The following UBE3A variants were observed in gnomAD, a reference collection of about 807,000 sequenced individuals.
The protein encoded by UBE3A is ubiquitin protein ligase E3A, also known as ubiquitin-protein ligase E3A.
In UBE3A, 6 loss-of-function variants were observed where a neutral mutation model predicts 83.4. The observed-to-expected ratio is 0.07, with a 90% CI of 0.04 to 0.14. UBE3A has a LOEUF of 0.14. Ranked by LOEUF, UBE3A falls within the 10% of genes least tolerant of loss-of-function variation. The probability of loss-of-function intolerance (pLI) is 1.00; values close to 1 mark genes in which losing one functional copy is unlikely to be tolerated. For missense variants in UBE3A, 456 were observed against 1,036.1 expected, an observed-to-expected ratio of 0.44 and a Z score of 7.69; for synonymous variants, 337 against 355.4, an observed-to-expected ratio of 0.95 and a Z score of 0.58.
Position 25,380,364 on chromosome 15 carries a change from C to A in UBE3A, c.63-4601G>T, listed in dbSNP as rs570879498. Among the ~76,000 whole-genome samples, 432 of 152,186 alleles carry A rather than the reference C, an allele frequency of 2.8e-3. 1 individual carries two copies. Among genetic ancestry groups the A allele is most frequent in the African/African-American group, 0.01 (422 of 41,520 alleles). On this transcript the variant is annotated intron_variant, in intron 4 of 12. Coordinates refer to ENST00000648336, the MANE Select transcript of UBE3A (RefSeq NM_130839.5). ...GGCAGAGTTGAGTACTTTAGGCCTG[C>A]AAAACCTAAAACAAATACCACCTGC...
intron 11 of UBE3A, among the ~76,000 whole-genome samples, chr15:25,353,043 CTTTT>C (rs1354822499): frequency 6.6e-6 from 1 of 152,132 alleles, no homozygotes; most frequent in East Asian, 1.9e-4. Flanking sequence ...CAAGATATGA[CTTTT>C]TTTCCTACTA....
intron 2 of UBE3A, 145 bp from the exon 3 acceptor site, chr15:25,409,352 C>T: frequency 2.5e-6 from 1 of 398,702 alleles, no homozygotes. Flanking sequence ...TTTTTAAGGA[C>T]TATTTTCCAG....
intron 11 of UBE3A, among the ~76,000 whole-genome samples, chr15:25,352,147 A>G (rs533899579): frequency 6.6e-6 from 1 of 152,322 alleles, no homozygotes; most frequent in South Asian, 2.1e-4. Flanking sequence ...GTGAACTGAG[A>G]CTGCGCCACT....
intron 11 of UBE3A, among the ~76,000 whole-genome samples, chr15:25,353,270 A>G (rs2076770022): frequency 6.6e-6 from 1 of 152,194 alleles, no homozygotes; most frequent in African/African-American, 2.4e-5. Context: ...AAGAAGAAAT[A>G]CTGGTGAATT....
At chr15:25,393,291 G>A (rs2084833546) in intron 4 of UBE3A, among the ~76,000 whole-genome samples, 1 of 152,132 alleles carries the variant, frequency 6.6e-6, no homozygotes, top group African/African-American at 2.4e-5. Flanking sequence ...TCTGGTATGG[G>A]CAACAAGATA....
At chr15:25,339,970 G>T in intron 12 of UBE3A, 115 bp downstream of exon 12, 1 of 1,359,800 alleles carries the variant, frequency 7.4e-7, no homozygotes, top group Non-Finnish European at 1.0e-6. Context: ...ATGATTTGGG[G>T]ATTTGTATAT....
intron 1 of UBE3A, among the ~76,000 whole-genome samples, chr15:25,435,019 C>A (rs980468693): frequency 5.2e-5 from 6 of 115,106 alleles, no homozygotes; most frequent in African/African-American, 9.7e-5. Context: ...CACACACACA[C>A]AAATACTAAT....
In UBE3A at chr15:25,438,964, C is replaced by T. The variant is rs1429352530; in HGVS notation, c.-640G>A. On this transcript the variant is annotated 5_prime_UTR_variant, in exon 1 of 13. Transcript: ENST00000648336. ...GTCGTCTCCTGTAGTCACCCCGAGC[C>T]CAGCGCCACCATCTTGGGAGACACA... 1 of 152,156 alleles carries T rather than the reference C, an allele frequency of 6.6e-6. No individual in the cohort carries two copies. Among genetic ancestry groups the T allele is most frequent in the Non-Finnish European group, 1.5e-5 (1 of 68,052 alleles). 9.4% of individuals were successfully genotyped at this position (152,156 alleles called of 1,614,324 possible). A position where few individuals can be genotyped will look rare whatever the true frequency, so the allele number is the denominator to read the frequency against.
At chr15:25,435,713 T>C (rs1173067379) in intron 1 of UBE3A, among the ~76,000 whole-genome samples, 1 of 152,216 alleles carries the variant, frequency 6.6e-6, no homozygotes, top group Non-Finnish European at 1.5e-5. Context: ...AATAAACTTC[T>C]GTTGTTTATA....
chr15:25,367,244 T>C (rs1489150175), intron 6 of UBE3A, among the ~76,000 whole-genome samples: 1 of 78,132 alleles, frequency 1.3e-5, no homozygotes, highest in Non-Finnish European at 2.5e-5. Context: ...AATATGTAAA[T>C]ATTTGCATAT....
intron 1 of UBE3A, chr15:25,413,062 G>A (rs1483565476): frequency 2.2e-6 from 1 of 445,008 alleles, no homozygotes; most frequent in South Asian, 1.6e-5. Context: ...TTATGAGTTA[G>A]GAACACATAA....
chr15:25,408,641 T>C lies in UBE3A; in HGVS notation c.20+447A>G, dbSNP rs751766501. 1.3e-5 allele frequency: 21 copies of C among 1,613,740 alleles called. No individual in the cohort carries two copies. The highest frequency in any genetic ancestry group is 1.8e-5 in the Non-Finnish European group (21 of 1,179,824). On this transcript the variant is annotated intron_variant, in intron 3 of 12. Transcript: ENST00000648336. The stretch of plus-strand genomic sequence containing the variant: ...TCACTTCCAATAACACTGGTGCAGC[T>C]TCTCCATCCTGCAAGCCACTCCTTT...
At chr15:25,362,283 T>G (rs2078238576) in intron 6 of UBE3A, among the ~76,000 whole-genome samples, 1 of 152,234 alleles carries the variant, frequency 6.6e-6, no homozygotes, top group Non-Finnish European at 1.5e-5. Context: ...TGTCTGTTGT[T>G]GTTCAACACC....
chr15:25,373,710 G>A (rs1012872099), intron 5 of UBE3A: 2 of 152,004 alleles, frequency 1.3e-5, no homozygotes, highest in Non-Finnish European at 2.9e-5. Context: ...ATCTCTTGAC[G>A]TCGTGATTCG....
At chr15:25,340,346 G>T in intron 11 of UBE3A, 118 bp from the exon 12 acceptor site, 1 of 1,214,108 alleles carries the variant, frequency 8.2e-7, no homozygotes, top group Non-Finnish European at 1.2e-6. Flanking sequence ...TTAATTATCA[G>T]GATAGTATCA....
intron 4 of UBE3A, 98 bp downstream of exon 4, chr15:25,405,363 C>A: frequency 7.1e-7 from 1 of 1,408,958 alleles, no homozygotes; most frequent in East Asian, 2.3e-5. Context: ...TGATTCCTTT[C>A]TTTTAACCAG....
chr15:25,364,019 T>C (rs559371693), intron 6 of UBE3A, among the ~76,000 whole-genome samples: 1 of 125,172 alleles, frequency 8.0e-6, no homozygotes, highest in African/African-American at 3.0e-5. Flanking sequence ...TGATGAAACC[T>C]TGTTTCTACA....
Position 25,340,231 on chromosome 15 carries a change from A to G in UBE3A, c.2355-3T>C, listed in dbSNP as rs2074512326. On this transcript the variant is annotated splice_polypyrimidine_tract_variant and splice_region_variant and intron_variant, in intron 11 of 12. Coordinates refer to ENST00000648336, the MANE Select transcript of UBE3A (RefSeq NM_130839.5). Reference sequence around the variant, plus strand: ...AATGAACGATTTCCCAGAACTCCCTAATGAGAAAAAATACAATACTGGTTT... The same window carrying G: ...AATGAACGATTTCCCAGAACTCCCTGATGAGAAAAAATACAATACTGGTTT... 1 of 1,612,234 alleles carries G rather than the reference A, an allele frequency of 6.2e-7. No homozygotes were observed. Among genetic ancestry groups the G allele is most frequent in the Middle Eastern group, 1.6e-4 (1 of 6,062 alleles).
At chr15:25,431,082 ACACTT>A (rs1338318678) in intron 1 of UBE3A, among the ~76,000 whole-genome samples, 1 of 152,206 alleles carries the variant, frequency 6.6e-6, no homozygotes, top group Non-Finnish European at 1.5e-5. Flanking sequence ...CTAATACACT[ACACTT>A]AAGTGTTCTT....
Sources: gnomAD v4.1 joint callset for allele counts (sites outside exome capture counted in the v4.1 genomes callset) on GRCh38, gnomAD v4.1.1 for gene constraint, MANE v1.5 for transcripts, NCBI Gene and HGNC (gene_info 2026-07-23, HGNC 2026-07-21) for gene names.